The following TMEM132B variants were observed in gnomAD, a reference collection of about 807,000 sequenced individuals.
The protein encoded by TMEM132B is transmembrane protein 132B.
Under a neutral mutation model 90.8 loss-of-function variants are expected in TMEM132B, and 18 were observed. That is an observed-to-expected ratio of 0.20 (90% CI 0.14 to 0.29). The LOEUF (loss-of-function observed/expected upper bound fraction) is 0.29. Ranked by LOEUF, TMEM132B falls within the 10% of genes least tolerant of loss-of-function variation. The pLI, the probability that TMEM132B is intolerant of heterozygous loss-of-function variation, is 1.00. For synonymous variants in TMEM132B, 504 were observed against 523.3 expected, an observed-to-expected ratio of 0.96 and a Z score of 0.50; for missense variants, 1,096 against 1,326.8, an observed-to-expected ratio of 0.83 and a Z score of 2.70.
chr12:125,653,932 G>C lies in TMEM132B; in HGVS notation c.2474G>C (p.Arg825Pro), dbSNP rs369406411. The change falls in exon 9 of 9, where the codon CGC becomes CCC. Residue 825 changes from arginine to proline, a missense_variant. Transcript: ENST00000682704. ...YKDHLSNSIE[R>P]EGNQERAVQE... Reference sequence around the variant, plus strand: ...GACCACCTCAGTAATTCCATAGAGCGCGAAGGAAACCAGGAGAGAGCAGTC... The same window carrying C: ...GACCACCTCAGTAATTCCATAGAGCCCGAAGGAAACCAGGAGAGAGCAGTC... The C allele has an allele frequency of 6.2e-7, 1 of 1,614,158 alleles. No individual in the cohort carries two copies.
chr12:125,491,083 T>G (rs1882338760), intron 3 of TMEM132B, among the ~76,000 whole-genome samples: 1 of 152,094 alleles, frequency 6.6e-6, no homozygotes, highest in African/African-American at 2.4e-5. Context: ...ACAGCTTGAC[T>G]GCAACTTCAT....
At chr12:125,623,196 C>G (rs969392550) in intron 5 of TMEM132B, among the ~76,000 whole-genome samples, 2 of 152,154 alleles carry the variant, frequency 1.3e-5, no homozygotes, top group African/African-American at 4.8e-5. Flanking sequence ...AGATATTTTC[C>G]TAGGCTTACA....
rs71760345 is a variant in TMEM132B at position 125,516,131 on chromosome 12, TCA to T, written c.1107-3298_1107-3297del. On this transcript the variant is annotated intron_variant, in intron 3 of 8. Coordinates refer to ENST00000682704, the MANE Select transcript of TMEM132B (RefSeq NM_001366854.1). ...CTATCACACACACACTATCGCAATCTCACACACACACTCACACACTATCACAT... is the reference window on the plus strand; with the variant it reads ...CTATCACACACACACTATCGCAATCTCACACACACTCACACACTATCACAT... Among the ~76,000 whole-genome samples, 860 of 151,180 alleles carry T rather than the reference TCA, an allele frequency of 5.7e-3. 10 individuals are homozygous for T. Among genetic ancestry groups the T allele is most frequent in the African/African-American group, 0.018 (759 of 41,196 alleles).
At chr12:125,425,021 C>CGA (rs1880275437) in intron 3 of TMEM132B, among the ~76,000 whole-genome samples, 2 of 151,590 alleles carry the variant, frequency 1.3e-5, no homozygotes, top group East Asian at 1.9e-4. Context: ...TTGGGATATG[C>CGA]GAGTCCAGCA....
chr12:125,418,084 C>T (rs975217339), intron 3 of TMEM132B, among the ~76,000 whole-genome samples: 53 of 152,208 alleles, frequency 3.5e-4, no homozygotes, highest in African/African-American at 1.1e-3. Flanking sequence ...GGCCCCTTGC[C>T]CTCAGAAATC....
chr12:125,224,285 T>G (rs1426755292), intron 1 of TMEM132B, among the ~76,000 whole-genome samples: 1 of 152,244 alleles, frequency 6.6e-6, no homozygotes, highest in African/African-American at 2.4e-5. Flanking sequence ...AGTTTTTGTT[T>G]GTACTCCTGT....
At chr12:125,506,574 A>G (rs2136617285) in intron 3 of TMEM132B, among the ~76,000 whole-genome samples, 1 of 152,182 alleles carries the variant, frequency 6.6e-6, no homozygotes, top group East Asian at 1.9e-4. Context: ...AAAAAATTAT[A>G]TTTCTATGTA....
chr12:125,554,071 T>C (rs149024786), intron 4 of TMEM132B, among the ~76,000 whole-genome samples: 1 of 152,342 alleles, frequency 6.6e-6, no homozygotes, highest in Non-Finnish European at 1.5e-5. Flanking sequence ...TTTAGCATAT[T>C]GTAATTTAAA....
At chr12:125,632,566 C>T (rs1214098299) in intron 5 of TMEM132B, among the ~76,000 whole-genome samples, 1 of 152,108 alleles carries the variant, frequency 6.6e-6, no homozygotes. Flanking sequence ...GCATTTCTTA[C>T]AGGACAGGCC....
chr12:125,549,938 C>T (rs1212136807), intron 4 of TMEM132B, among the ~76,000 whole-genome samples: 1 of 152,206 alleles, frequency 6.6e-6, no homozygotes, highest in Non-Finnish European at 1.5e-5. Flanking sequence ...TCATCTCCTA[C>T]ACCATCCTTC....
chr12:125,488,986 AT>A (rs1242570122), intron 3 of TMEM132B, among the ~76,000 whole-genome samples: 44 of 152,362 alleles, frequency 2.9e-4, no homozygotes, highest in African/African-American at 9.4e-4. Flanking sequence ...AATTGGAAAA[AT>A]TGGTTTTTAT....
intron 5 of TMEM132B, chr12:125,585,713 C>T (rs1294028895): frequency 2.0e-5 from 3 of 152,238 alleles, no homozygotes; most frequent in Non-Finnish European, 4.4e-5. Context: ...CCACTCCACA[C>T]AAATGTACTA....
chr12:125,646,692 G>C (rs1886771715), intron 6 of TMEM132B, among the ~76,000 whole-genome samples: 1 of 152,206 alleles, frequency 6.6e-6, no homozygotes, highest in Admixed American at 6.5e-5. Context: ...GTGCACAAAA[G>C]TAGGCTAGGA....
Position 125,657,528 on chromosome 12 carries a change from A to C in TMEM132B, c.*2818A>C, listed in dbSNP as rs1433574775. 1 of 152,142 alleles carries C rather than the reference A, an allele frequency of 6.6e-6. No individual in the cohort carries two copies. The highest frequency in any genetic ancestry group is 1.5e-5 in the Non-Finnish European group (1 of 68,014). 9.4% of individuals were successfully genotyped at this position (152,142 alleles called of 1,614,324 possible). ...AAGATCATAAACCATGGGTTATAGC[A>C]CCTTGTTTTCCAGCTAGTCAATATA... On this transcript the variant is annotated 3_prime_UTR_variant, in exon 9 of 9. Transcript: ENST00000682704.
intron 1 of TMEM132B, among the ~76,000 whole-genome samples, chr12:125,268,104 C>T (rs949335878): frequency 4.6e-5 from 7 of 152,082 alleles, no homozygotes; most frequent in African/African-American, 7.2e-5. Flanking sequence ...GAAACAACAA[C>T]GAAAAATAAA....
At chr12:125,621,684 GGC>G (rs1886116551) in intron 5 of TMEM132B, among the ~76,000 whole-genome samples, 1 of 152,082 alleles carries the variant, frequency 6.6e-6, no homozygotes. Flanking sequence ...GATTTGCATT[GGC>G]CAGCAAGATG....
intron 5 of TMEM132B, among the ~76,000 whole-genome samples, chr12:125,604,601 C>A (rs925998114): frequency 6.6e-6 from 1 of 152,136 alleles, no homozygotes; most frequent in African/African-American, 2.4e-5. Context: ...TATCCCAGAA[C>A]TTAAAGTAAA....
At chr12:125,494,384 C>T (rs1323262970) in intron 3 of TMEM132B, among the ~76,000 whole-genome samples, 2 of 138,628 alleles carry the variant, frequency 1.4e-5, no homozygotes, top group East Asian at 4.7e-4. Flanking sequence ...GGGCACCTCC[C>T]TCCTCCCCTA....
In TMEM132B at chr12:125,511,332, G is replaced by A. The variant is rs182913559; in HGVS notation, c.1107-8107G>A. ...AAATTGGGTTGCTTTCACCTTTTGG[G>A]GGGGATGAACCATAAGGATACGAAG... On this transcript the variant is annotated intron_variant, in intron 3 of 8. Coordinates refer to ENST00000682704, the MANE Select transcript of TMEM132B (RefSeq NM_001366854.1). Among the ~76,000 whole-genome samples, 181 of 152,274 alleles carry A rather than the reference G, an allele frequency of 1.2e-3. 1 individual carries two copies. The highest frequency in any genetic ancestry group is 7.2e-4 in the Admixed American group (11 of 15,300).
Sources: gnomAD v4.1 joint callset for allele counts (sites outside exome capture counted in the v4.1 genomes callset) on GRCh38, gnomAD v4.1.1 for gene constraint, MANE v1.5 for transcripts, NCBI Gene and HGNC (gene_info 2026-07-23, HGNC 2026-07-21) for gene names.